Variants in UBAC2 observed in about 807,000 individuals in gnomAD.
UBAC2 encodes UBA domain containing 2, also known as ubiquitin-associated domain-containing protein 2.
UBAC2 carries 26 observed loss-of-function variants against 44.0 expected under a neutral mutation model. That is an observed-to-expected ratio of 0.59 (90% CI 0.43 to 0.82). The LOEUF (loss-of-function observed/expected upper bound fraction) is 0.82, where lower values mean the gene tolerates loss of function less well. Among genes scored for constraint, UBAC2 ranks in the 40% least tolerant of loss-of-function variants. The pLI is 0.00. For synonymous variants in UBAC2, 155 were observed against 154.3 expected, an observed-to-expected ratio of 1.00 and a Z score of -0.04; for missense variants, 329 against 419.4, an observed-to-expected ratio of 0.78 and a Z score of 1.88.
chr13:99,222,792 A>T (rs984115785), intron 1 of UBAC2, among the ~76,000 whole-genome samples: 2 of 152,204 alleles, frequency 1.3e-5, no homozygotes, highest in Non-Finnish European at 2.9e-5. Flanking sequence ...ATACGTTCAT[A>T]AAGTATATTG....
chr13:99,362,935 C>T (rs934960560), intron 7 of UBAC2, among the ~76,000 whole-genome samples: 2 of 152,118 alleles, frequency 1.3e-5, no homozygotes, highest in African/African-American at 4.8e-5. Flanking sequence ...ATTTATACTT[C>T]GTATTTCTGT....
chr13:99,267,656 C>G (rs1234405488), intron 4 of UBAC2, among the ~76,000 whole-genome samples: 2 of 152,202 alleles, frequency 1.3e-5, no homozygotes. Flanking sequence ...TGAAAGGTAT[C>G]TGCCTTTATT....
At position 99,367,905 on chromosome 13, in the gene UBAC2, A is replaced by C. The variant is rs780718165; in HGVS notation, c.926A>C (p.Gln309Pro). The change falls in exon 8 of 9, where the codon CAG becomes CCG. Residue 309 changes from glutamine (Q) to proline (P), a missense_variant and splice_region_variant. Transcript: ENST00000403766. Reference protein sequence around the residue: ...AAPPLEVSEEQVARLMEMGFS... With the variant: ...AAPPLEVSEEPVARLMEMGFS... ...CCCCCTCTAGAAGTTTCTGAGGAAC[A>C]GGTAATTAATCAGTAATACCTGGTA... The C allele has an allele frequency of 2.5e-6, 4 of 1,613,672 alleles. No homozygotes were observed. In the Admixed American group the frequency reaches 5.0e-5, roughly 20 times the overall value.
intron 4 of UBAC2, chr13:99,258,621 G>A (rs769113719): frequency 5.9e-5 from 9 of 152,166 alleles, no homozygotes; most frequent in South Asian, 2.1e-4. Context: ...TGAGTAAAAG[G>A]GGGTTTAAAG....
At chr13:99,324,961 G>C (rs2044618155) in intron 6 of UBAC2, among the ~76,000 whole-genome samples, 1 of 152,268 alleles carries the variant, frequency 6.6e-6, no homozygotes, top group Non-Finnish European at 1.5e-5. Context: ...ACGATGACCA[G>C]ATCACATAAC....
chr13:99,369,314 T>C (rs1317605265), intron 8 of UBAC2, among the ~76,000 whole-genome samples: 1 of 152,208 alleles, frequency 6.6e-6, no homozygotes, highest in Non-Finnish European at 1.5e-5. Context: ...AAGTGATACA[T>C]ACTCAGTAGA....
At chr13:99,270,812 A>C (rs2138664573) in intron 4 of UBAC2, among the ~76,000 whole-genome samples, 1 of 152,344 alleles carries the variant, frequency 6.6e-6, no homozygotes, top group East Asian at 1.9e-4. Context: ...AATTTCAGTC[A>C]TGTTTTAGGA....
intron 7 of UBAC2, among the ~76,000 whole-genome samples, chr13:99,347,330 C>CCTT (rs1555331214): frequency 1.2e-5 from 1 of 84,800 alleles, no homozygotes; most frequent in African/African-American, 3.5e-5. Context: ...CCCCCCCCCC[C>CCTT]CCCCAGGAAA....
intron 1 of UBAC2, 153 bp downstream of exon 1, chr13:99,201,092 T>TG: frequency 4.4e-6 from 6 of 1,350,276 alleles, no homozygotes; most frequent in East Asian, 2.8e-5. Flanking sequence ...TTCCCGGTCT[T>TG]GGGGGTCAGC....
chr13:99,240,137 C>T (rs559717055), intron 2 of UBAC2, among the ~76,000 whole-genome samples: 2 of 152,160 alleles, frequency 1.3e-5, no homozygotes, highest in Non-Finnish European at 2.9e-5. Flanking sequence ...TTTGTAAGTT[C>T]TGAACCTCCA....
At chr13:99,215,620 C>A in intron 1 of UBAC2, 1 of 1,321,460 alleles carries the variant, frequency 7.6e-7, no homozygotes, top group Admixed American at 1.7e-5. Context: ...GTTGCACCCA[C>A]ATGTCTGTGA....
At chr13:99,363,064 G>A (rs1240937567) in intron 7 of UBAC2, among the ~76,000 whole-genome samples, 1 of 152,154 alleles carries the variant, frequency 6.6e-6, no homozygotes, top group Non-Finnish European at 1.5e-5. Context: ...TTTTGTGGGT[G>A]GTGTGAAGTA....
rs766105400 is a variant in UBAC2, at chr13:99,295,293, A to C, written c.390-18804A>C. The stretch of plus-strand genomic sequence containing the variant: ...GTAAAGTGCAGAGAAATCTGGAACG[A>C]ATGTCTTTGGCTACATTCCAGGAAA... On this transcript the variant is annotated intron_variant, in intron 4 of 8. Coordinates refer to ENST00000403766, the MANE Select transcript of UBAC2 (RefSeq NM_001144072.2). This position sits in a 1 kb window ranked among gnomAD's most constrained non-coding sequence, Gnocchi z 4.1. 7.4e-6 allele frequency: 12 copies of C among 1,614,076 alleles called. No individual in the cohort carries two copies. Among genetic ancestry groups the C allele is most frequent in the African/African-American group, 2.7e-5 (2 of 74,946 alleles).
Position 99,295,291 on chromosome 13 carries a change from C to T in UBAC2, c.390-18806C>T, listed in dbSNP as rs547217462. The T allele has an allele frequency of 5.6e-6, 9 of 1,614,088 alleles. No homozygotes were observed. The highest frequency in any genetic ancestry group is 4.5e-5 in the East Asian group (2 of 44,874). On this transcript the variant is annotated intron_variant, in intron 4 of 8. Coordinates refer to ENST00000403766, the MANE Select transcript of UBAC2 (RefSeq NM_001144072.2). The surrounding 1 kb of genome is among the most constrained non-coding windows in gnomAD (Gnocchi z 4.1). ...CTGTAAAGTGCAGAGAAATCTGGAACGAATGTCTTTGGCTACATTCCAGGA... is the reference window on the plus strand; with the variant it reads ...CTGTAAAGTGCAGAGAAATCTGGAATGAATGTCTTTGGCTACATTCCAGGA...
At chr13:99,302,029 T>A (rs530068264) in intron 4 of UBAC2, among the ~76,000 whole-genome samples, 1 of 152,294 alleles carries the variant, frequency 6.6e-6, no homozygotes, top group African/African-American at 2.4e-5. Flanking sequence ...GATCACCAAT[T>A]GGAGGTGACT....
chr13:99,201,338 C>G (rs2042794922), intron 1 of UBAC2: 1 of 1,529,778 alleles, frequency 6.5e-7, no homozygotes, highest in South Asian at 1.2e-5. Flanking sequence ...CTTGGGGGAC[C>G]GAACTAACTC....
chr13:99,285,829 G>A (rs973066689), intron 4 of UBAC2, among the ~76,000 whole-genome samples: 2 of 152,070 alleles, frequency 1.3e-5, no homozygotes, highest in African/African-American at 2.4e-5. Context: ...TCAGAAAAAC[G>A]TGTGGCTCTT....
At chr13:99,291,396 A>G (rs769667705) in intron 4 of UBAC2, among the ~76,000 whole-genome samples, 2 of 152,158 alleles carry the variant, frequency 1.3e-5, no homozygotes, top group Non-Finnish European at 2.9e-5. Flanking sequence ...GTCACTTGTA[A>G]TCCACATGCT....
intron 4 of UBAC2, among the ~76,000 whole-genome samples, chr13:99,252,464 C>G (rs2043470157): frequency 6.6e-6 from 1 of 152,158 alleles, no homozygotes; most frequent in Non-Finnish European, 1.5e-5. Flanking sequence ...ATTTCTTTTT[C>G]TAGTGCTTTG....
Sources: allele counts gnomAD v4.1 joint callset (sites outside exome capture counted in the v4.1 genomes callset), GRCh38; gene constraint gnomAD v4.1.1; non-coding constraint Gnocchi (gnomAD v3.1); transcripts MANE v1.5; gene names NCBI Gene and HGNC (gene_info 2026-07-23, HGNC 2026-07-21).